Variants in RARB observed in about 807,000 individuals in gnomAD.
RARB encodes HBV-activated protein.
A neutral mutation model predicts 51.9 loss-of-function variants in RARB; 17 were observed. The observed-to-expected ratio is 0.33, with a 90% CI of 0.22 to 0.49. RARB has a LOEUF of 0.49. Ranked by LOEUF, RARB falls within the 20% of genes least tolerant of loss-of-function variation. The pLI, the probability that RARB is intolerant of heterozygous loss-of-function variation, is 0.99. For missense variants in RARB, 369 were observed against 550.8 expected, an observed-to-expected ratio of 0.67 and a Z score of 3.30; for synonymous variants, 215 against 195.4, an observed-to-expected ratio of 1.10 and a Z score of -0.84.
rs534137000 is a variant in RARB, at chr3:24,969,585, C to A, written c.-379-90540C>A. On this transcript the variant is annotated intron_variant, in intron 2 of 11. Transcript: ENST00000383772. ...CTTTTATTTATGTGCCATTTCATTT[C>A]ACCATACCAGAGCTTAGATACTTAT... Among the ~76,000 whole-genome samples the A allele has an allele frequency of 6.6e-5, 10 of 152,198 alleles. No individual in the cohort carries two copies. The South Asian group carries it at 1.2e-3, about 19-fold the overall frequency.
intron 2 of RARB, among the ~76,000 whole-genome samples, chr3:25,496,335 C>T (rs1458104584): frequency 6.6e-6 from 1 of 152,206 alleles, no homozygotes; most frequent in East Asian, 1.9e-4. Flanking sequence ...CTTGGGTCTT[C>T]CCTTCCTCCA....
At chr3:24,869,121 C>T (rs1227779898) in intron 2 of RARB, among the ~76,000 whole-genome samples, 1 of 152,084 alleles carries the variant, frequency 6.6e-6, no homozygotes, top group Admixed American at 6.6e-5. Flanking sequence ...GAATAATTCT[C>T]AATAAGGTAT....
chr3:25,331,650 C>T (rs142557604), intron 5 of RARB, among the ~76,000 whole-genome samples: 1,840 of 152,156 alleles, frequency 0.012, 39 homozygotes, highest in African/African-American at 0.042. Context: ...CAAAAGCTAG[C>T]AGAAGGTAAG....
chr3:25,211,471 A>G (rs912306097), intron 5 of RARB, among the ~76,000 whole-genome samples: 4 of 152,372 alleles, frequency 2.6e-5, no homozygotes, highest in South Asian at 2.1e-4. Flanking sequence ...ATATTGCAAA[A>G]GCATTATAGT....
rs1020664807 is a variant in RARB, at chr3:25,398,181, G to A, written c.179-63012G>A. On this transcript the variant is annotated intron_variant, in intron 5 of 11. Transcript: ENST00000383772. The stretch of plus-strand genomic sequence containing the variant: ...CGTTTGGGGGCCAGCTAAAAGAGAT[G>A]TAAACAGACACTTTCCCATCCCTCT... Among the ~76,000 whole-genome samples the A allele has an allele frequency of 2.6e-5, 4 of 152,096 alleles. No individual in the cohort carries two copies. In the East Asian group the frequency reaches 7.7e-4, roughly 29 times the overall value.
At chr3:25,327,589 C>G (rs773746828) in intron 5 of RARB, among the ~76,000 whole-genome samples, 172 of 152,206 alleles carry the variant, frequency 1.1e-3, no homozygotes, top group Non-Finnish European at 1.8e-3. Context: ...CAGAATGTTT[C>G]TCTCCACTGT....
At chr3:25,185,333 A>G (rs1700951252) in intron 5 of RARB, among the ~76,000 whole-genome samples, 1 of 152,108 alleles carries the variant, frequency 6.6e-6, no homozygotes, top group Non-Finnish European at 1.5e-5. Flanking sequence ...AGAGTTGGAG[A>G]ACTAGTTAAA....
intron 2 of RARB, among the ~76,000 whole-genome samples, chr3:24,943,759 T>A (rs1006687149): frequency 6.6e-6 from 1 of 152,218 alleles, no homozygotes; most frequent in African/African-American, 2.4e-5. Flanking sequence ...ATTTTCTGAA[T>A]AAGCAGAGTG....
intron 2 of RARB, among the ~76,000 whole-genome samples, chr3:24,969,321 C>G (rs1293144332): frequency 4.6e-5 from 7 of 151,988 alleles, no homozygotes; most frequent in Non-Finnish European, 8.8e-5. Context: ...AAAGAAAGCA[C>G]CATCTAAATG....
intron 2 of RARB, among the ~76,000 whole-genome samples, chr3:24,863,913 TCTC>T (rs1702802110): frequency 6.6e-6 from 1 of 151,952 alleles, no homozygotes; most frequent in South Asian, 2.1e-4. Flanking sequence ...AGGCATACCT[TCTC>T]CTGTTCAAGG....
intron 5 of RARB, among the ~76,000 whole-genome samples, chr3:25,317,328 T>C (rs964708877): frequency 2.6e-5 from 4 of 152,080 alleles, no homozygotes; most frequent in Non-Finnish European, 5.9e-5. Flanking sequence ...GGTAGGTTAA[T>C]AAGGACATAC....
At chr3:25,417,495 A>G (rs1045712798) in intron 5 of RARB, among the ~76,000 whole-genome samples, 17 of 152,170 alleles carry the variant, frequency 1.1e-4, no homozygotes, top group African/African-American at 3.9e-4. Flanking sequence ...CTGATAGTGA[A>G]TAAGTCTCAC....
chr3:25,471,771 C>G (rs756273085), intron 2 of RARB, among the ~76,000 whole-genome samples: 1 of 152,126 alleles, frequency 6.6e-6, no homozygotes, highest in Non-Finnish European at 1.5e-5. Context: ...TTTGTTATAA[C>G]AAACTAAAGG....
At chr3:25,289,026 C>T (rs1398346444) in intron 5 of RARB, among the ~76,000 whole-genome samples, 2 of 152,164 alleles carry the variant, frequency 1.3e-5, no homozygotes, top group Non-Finnish European at 2.9e-5. Flanking sequence ...CATACTGTTC[C>T]GCCACTGAGG....
chr3:25,316,769 A>T (rs1041167234), intron 5 of RARB, among the ~76,000 whole-genome samples: 2 of 152,212 alleles, frequency 1.3e-5, no homozygotes, highest in South Asian at 4.1e-4. Context: ...GAGATTTTCT[A>T]CTTCTTTAAA....
intron 2 of RARB, among the ~76,000 whole-genome samples, chr3:24,888,076 T>G (rs1259737923): frequency 6.6e-6 from 1 of 152,176 alleles, no homozygotes; most frequent in Admixed American, 6.5e-5. Flanking sequence ...TAAAGTACTA[T>G]GAGTCCTCAT....
intron 4 of RARB, among the ~76,000 whole-genome samples, chr3:25,142,615 A>G (rs980042009): frequency 2.2e-4 from 32 of 148,654 alleles, no homozygotes; most frequent in Admixed American, 2.1e-3. Flanking sequence ...TAAATATCCC[A>G]TCTGTGTCAT....
At chr3:25,182,315 G>C (rs999102836) in intron 5 of RARB, among the ~76,000 whole-genome samples, 1 of 152,184 alleles carries the variant, frequency 6.6e-6, no homozygotes, top group Non-Finnish European at 1.5e-5. Flanking sequence ...ACAAAGGAGG[G>C]CTTGCAACAC....
At chr3:25,210,838 G>T (rs1030942858) in intron 5 of RARB, among the ~76,000 whole-genome samples, 1 of 151,840 alleles carries the variant, frequency 6.6e-6, no homozygotes, top group African/African-American at 2.4e-5. Context: ...CCCAGCCTTT[G>T]TCTGATTCTT....
Sources: allele counts gnomAD v4.1 joint callset (sites outside exome capture counted in the v4.1 genomes callset), GRCh38; gene constraint gnomAD v4.1.1; transcripts MANE v1.5; gene names NCBI Gene and HGNC (gene_info 2026-07-23, HGNC 2026-07-21).